CFAP43: variants seen among roughly 807,000 people sequenced by gnomAD.
The protein encoded by CFAP43 is cilia and flagella associated protein 43, also known as cilia- and flagella-associated protein 43.
In CFAP43, 155 loss-of-function variants were observed where a neutral mutation model predicts 218.9. That is an observed-to-expected ratio of 0.71 (90% confidence interval 0.62 to 0.81). The LOEUF is 0.81. Ranked by LOEUF, CFAP43 falls within the 30% of genes least tolerant of loss-of-function variation. The pLI, the probability that CFAP43 is intolerant of heterozygous loss-of-function variation, is 0.00. For missense variants in CFAP43, 1,778 were observed against 1,954.3 expected (o/e 0.91, Z 1.70); for synonymous variants, 645 against 681.3 (o/e 0.95, Z 0.83).
chr10:104,131,464 T>C lies in CFAP43; in HGVS notation c.4698A>G (p.Glu1566=). ...GTTTTTTGAGTAGTTTCTTGCAGTT[T>C]TCCACATTCTTTTTGTGCATCTGAA... is the stretch of plus-strand genomic sequence containing the variant. ...VLDKMHKKNV[E]NCKKLLKKLG... Residue 1566 remains glutamate, a synonymous_variant, in exon 37 of 38, where the codon GAA becomes GAG. Coordinates refer to ENST00000357060, the MANE Select transcript of CFAP43 (RefSeq NM_025145.7). 3 of 1,610,056 alleles carry C rather than the reference T, an allele frequency of 1.9e-6. No individual in the cohort carries two copies. Among genetic ancestry groups the C allele is most frequent in the Non-Finnish European group, 2.5e-6 (3 of 1,179,112 alleles).
rs1185317465 is a variant in CFAP43, at chr10:104,203,546, T to C, written c.1095+126A>G. On this transcript the variant is annotated intron_variant, in intron 8 of 37. Transcript: ENST00000357060. The stretch of plus-strand genomic sequence containing the variant: ...CTTTTAAATTGGGTATTTTTTCATT[T>C]ACAACCTAGAGTCTTGACAAGTAGA... 3 of 898,712 alleles carry C rather than the reference T, an allele frequency of 3.3e-6. No homozygotes were observed. In the East Asian group the frequency reaches 8.9e-5, roughly 27 times the overall value. The allele number at this position is 898,712 out of a possible 1,614,324, so 55.7% of individuals were successfully genotyped here.
intron 33 of CFAP43, among the ~76,000 whole-genome samples, chr10:104,141,903 G>A (rs1010035501): frequency 6.6e-6 from 1 of 152,156 alleles, no homozygotes; most frequent in Admixed American, 6.5e-5. Context: ...AAATATATCA[G>A]TTGGCTGCGT....
In CFAP43 at chr10:104,133,795, G is replaced by T; in HGVS notation, c.4432-11C>A. On this transcript the variant is annotated splice_polypyrimidine_tract_variant and intron_variant, in intron 34 of 37. Transcript: ENST00000357060. ...CTTTTGTCCTTGAGTCTTTAAAAAA[G>T]TACATTAGATATCCATATAATATGA... The T allele has an allele frequency of 6.3e-7, 1 of 1,590,752 alleles. No homozygotes were observed. Among genetic ancestry groups the T allele is most frequent in the Non-Finnish European group, 8.6e-7 (1 of 1,169,220 alleles).
chr10:104,161,060 C>T lies in CFAP43; in HGVS notation c.3517G>A (p.Glu1173Lys), dbSNP rs1007247227. The T allele has an allele frequency of 6.2e-7, 1 of 1,610,336 alleles. No homozygotes were observed. ...ACCTTTCTATACTTATCTCTTTCTT[C>T]ATTTAACTCCTTTACTTTTTTCTCA... ...DYEKKVKELN[E>K]ERDKYRKSLE... The change falls in exon 27 of 38, where the codon GAA becomes AAA. Residue 1173 changes from glutamate (E) to lysine (K), a missense_variant. By Grantham distance (56) the Glu-to-Lys change is moderately conservative (BLOSUM62 1). Coordinates refer to ENST00000357060, the MANE Select transcript of CFAP43 (RefSeq NM_025145.7).
chr10:104,209,888 C>A (rs950997608), intron 5 of CFAP43, among the ~76,000 whole-genome samples: 2 of 152,134 alleles, frequency 1.3e-5, no homozygotes, highest in African/African-American at 4.8e-5. Context: ...CCCACTGATA[C>A]CAAAATCTGT....
chr10:104,162,682 A>G (rs766754307), intron 24 of CFAP43, among the ~76,000 whole-genome samples: 5 of 152,100 alleles, frequency 3.3e-5, no homozygotes, highest in Non-Finnish European at 4.4e-5. Flanking sequence ...GGGGGGCTCA[A>G]AGAAGTGCCA....
At chr10:104,151,323 G>A (rs958993150) in intron 28 of CFAP43, among the ~76,000 whole-genome samples, 3 of 152,150 alleles carry the variant, frequency 2.0e-5, no homozygotes, top group Non-Finnish European at 4.4e-5. Context: ...TTGCCATACC[G>A]CTTTCCACAA....
intron 26 of CFAP43, 92 bp downstream of exon 26, chr10:104,161,868 TA>T: frequency 8.2e-7 from 1 of 1,215,902 alleles, no homozygotes; most frequent in Non-Finnish European, 1.2e-6. Flanking sequence ...GTAGAACTTC[TA>T]AAACCCAGGT....
At position 104,198,058 on chromosome 10, in the gene CFAP43, A is replaced by G; in HGVS notation, c.1096-20T>C. The G allele has an allele frequency of 7.2e-7, 1 of 1,390,332 alleles. No individual in the cohort carries two copies. The highest frequency in any genetic ancestry group is 1.0e-6 in the Non-Finnish European group (1 of 984,250). 86.1% of individuals were successfully genotyped at this position (1,390,332 alleles called of 1,614,324 possible). ...AGATCCCTGATAAACATACAAAAGA[A>G]AAGAAACACATTGTAATTGTTGTGT... On this transcript the variant is annotated intron_variant, in intron 8 of 37. Coordinates refer to ENST00000357060, the MANE Select transcript of CFAP43 (RefSeq NM_025145.7).
intron 20 of CFAP43, among the ~76,000 whole-genome samples, chr10:104,171,074 G>T (rs528135189): frequency 2.2e-4 from 34 of 152,242 alleles, no homozygotes; most frequent in African/African-American, 8.2e-4. Flanking sequence ...CCTTGAAGTG[G>T]TTTTCTTTGA....
chr10:104,157,783 A>AGAGAGAGG (rs2088650277), intron 27 of CFAP43, among the ~76,000 whole-genome samples: 1 of 106,014 alleles, frequency 9.4e-6, no homozygotes, highest in Admixed American at 9.2e-5. Context: ...TGTGAGAGAG[A>AGAGAGAGG]GAGAGAGAGA....
intron 37 of CFAP43, among the ~76,000 whole-genome samples, chr10:104,130,813 C>T (rs995095934): frequency 2.6e-5 from 4 of 151,858 alleles, no homozygotes; most frequent in Non-Finnish European, 5.9e-5. Flanking sequence ...GCCTGGCCAA[C>T]ATGGCAAAAC....
At chr10:104,188,519 A>AGG (rs2090106419) in intron 12 of CFAP43, 109 bp from the exon 13 acceptor site, 1 of 1,358,958 alleles carries the variant, frequency 7.4e-7, no homozygotes, top group Non-Finnish European at 9.9e-7. Flanking sequence ...CTATATCTTT[A>AGG]GAATCAAATT....
In CFAP43 at chr10:104,212,006, C is replaced by T. The variant is rs1335551902; in HGVS notation, c.735+1G>A. ...AACAGGAAGAGGTGCCAGGTAATTA[C>T]CCGGAAAGTCTCTGCCTCTTTGCCT... On this transcript the variant is annotated splice_donor_variant, in intron 5 of 37. Transcript: ENST00000357060. LOFTEE classifies it high-confidence loss of function. 6.2e-7 allele frequency: 1 copy of T among 1,611,392 alleles called. No homozygotes were observed. The highest frequency in any genetic ancestry group is 8.5e-7 in the Non-Finnish European group (1 of 1,178,374).
At chr10:104,132,271 CT>C in intron 35 of CFAP43, 75 bp from the exon 36 acceptor site, 1 of 1,102,924 alleles carries the variant, frequency 9.1e-7, no homozygotes. Flanking sequence ...GTTGTTTTAG[CT>C]TTGAAAGTTA....
intron 19 of CFAP43, among the ~76,000 whole-genome samples, chr10:104,177,252 G>A (rs769949053): frequency 6.6e-6 from 1 of 152,110 alleles, no homozygotes; most frequent in African/African-American, 2.4e-5. Context: ...AAAAGATTTG[G>A]CAGAGTAAGG....
chr10:104,175,306 G>A (rs1048755534), intron 19 of CFAP43, among the ~76,000 whole-genome samples: 5 of 152,066 alleles, frequency 3.3e-5, no homozygotes, highest in Admixed American at 3.3e-4. Flanking sequence ...ATGTCTGCAG[G>A]CCTAGCTACT....
intron 27 of CFAP43, among the ~76,000 whole-genome samples, chr10:104,157,022 T>G (rs2088585225): frequency 6.6e-6 from 1 of 152,222 alleles, no homozygotes; most frequent in Non-Finnish European, 1.5e-5. Context: ...CTCACCATCT[T>G]AATTTTGGTC....
At chr10:104,184,833 T>C (rs919135386) in intron 16 of CFAP43, among the ~76,000 whole-genome samples, 183 bp downstream of exon 16, 1 of 152,164 alleles carries the variant, frequency 6.6e-6, no homozygotes, top group Non-Finnish European at 1.5e-5. Context: ...CCACCCCAGG[T>C]CTGCCCCATG....
Sources: gnomAD v4.1 joint callset for allele counts (sites outside exome capture counted in the v4.1 genomes callset) on GRCh38, gnomAD v4.1.1 for gene constraint, MANE v1.5 for transcripts, NCBI Gene and HGNC (gene_info 2026-07-23, HGNC 2026-07-21) for gene names.